RHBDD1: variants seen among roughly 807,000 people sequenced by gnomAD.
RHBDD1 encodes rhomboid-related protein 4.
Under a neutral mutation model 36.3 loss-of-function variants are expected in RHBDD1, and 38 were observed. The observed-to-expected ratio is 1.05, with a 90% CI of 0.81 to 1.37. The LOEUF (loss-of-function observed/expected upper bound fraction) is 1.37, where lower values mean the gene tolerates loss of function less well. Among genes scored for constraint, RHBDD1 ranks in the 40% most tolerant of loss-of-function variants. The probability of loss-of-function intolerance (pLI) is 0.00; values close to 1 mark genes in which losing one functional copy is unlikely to be tolerated. For synonymous variants in RHBDD1, 151 were observed against 136.5 expected, an observed-to-expected ratio of 1.11 and a Z score of -0.74; for missense variants, 393 against 377.6, an observed-to-expected ratio of 1.04 and a Z score of -0.34.
At chr2:226,804,085 C>A in the RHBDD1 span, 2 of 152,160 alleles carry the variant, frequency 1.3e-5, no homozygotes, top group African/African-American at 4.8e-5. Flanking sequence ...ACAGAGAGAA[C>A]AACAGCAAGA....
intron 5 of RHBDD1, among the ~76,000 whole-genome samples, chr2:226,902,686 CTT>C (rs1947695930): frequency 6.6e-6 from 1 of 152,074 alleles, no homozygotes; most frequent in South Asian, 2.1e-4. Context: ...AAATTGAACA[CTT>C]TTATAAAGCT....
chr2:226,840,496 G>A (rs796541917), intron 3 of RHBDD1, among the ~76,000 whole-genome samples: 3 of 152,294 alleles, frequency 2.0e-5, no homozygotes, highest in African/African-American at 4.8e-5. Context: ...TGCACTGCAC[G>A]CTTTAACATA....
intron 5 of RHBDD1, among the ~76,000 whole-genome samples, chr2:226,875,232 A>T (rs982822019): frequency 3.9e-5 from 6 of 152,122 alleles, no homozygotes; most frequent in South Asian, 2.1e-4. Flanking sequence ...AGTTGTTTTC[A>T]TGGTTGCTGT....
intron 8 of RHBDD1, among the ~76,000 whole-genome samples, chr2:226,925,961 G>A (rs1949639435): frequency 6.6e-6 from 1 of 152,102 alleles, no homozygotes; most frequent in African/African-American, 2.4e-5. Flanking sequence ...GAGGGGAAAG[G>A]GAAGAGGAGG....
chr2:226,864,416 T>C (rs1944141072), intron 3 of RHBDD1, among the ~76,000 whole-genome samples, 188 bp from the exon 4 acceptor site: 2 of 152,194 alleles, frequency 1.3e-5, no homozygotes, highest in South Asian at 2.1e-4. Context: ...ATTTCTATTC[T>C]AGAATGTAAA....
At chr2:226,954,751 A>C (rs1311035431) in intron 8 of RHBDD1, among the ~76,000 whole-genome samples, 5 of 152,040 alleles carry the variant, frequency 3.3e-5, no homozygotes, top group African/African-American at 9.7e-5. Context: ...AAGTAATGGG[A>C]ATGGGAGAGG....
chr2:226,996,628 A>G lies in RHBDD1; in HGVS notation c.*1106A>G, dbSNP rs1197359742. On this transcript the variant is annotated 3_prime_UTR_variant, in exon 9 of 9. Transcript: ENST00000392062. ...CTACAACTTATATAGTTTTCTGATT[A>G]TGCACATAATAGATATGCCTTCCAG... 1 of 152,264 alleles carries G rather than the reference A, an allele frequency of 6.6e-6. No homozygotes were observed. The highest frequency in any genetic ancestry group is 1.5e-5 in the Non-Finnish European group (1 of 68,050). The allele number at this position is 152,264 out of a possible 1,614,324, so 9.4% of individuals were successfully genotyped here. A position where few individuals can be genotyped will look rare whatever the true frequency, so the allele number is the denominator to read the frequency against.
intron 5 of RHBDD1, among the ~76,000 whole-genome samples, chr2:226,878,428 T>C (rs1267801448): frequency 1.3e-5 from 2 of 152,236 alleles, no homozygotes; most frequent in Non-Finnish European, 2.9e-5. Context: ...CTCTGCTAGC[T>C]GGGTGGATTT....
At chr2:226,946,273 T>C (rs182916305) in intron 8 of RHBDD1, among the ~76,000 whole-genome samples, 2 of 152,334 alleles carry the variant, frequency 1.3e-5, no homozygotes, top group Admixed American at 1.3e-4. Flanking sequence ...AGGGTTTTTA[T>C]GGTTTTAGGT....
intron 1 of RHBDD1, among the ~76,000 whole-genome samples, chr2:226,836,543 G>C (rs1022970904): frequency 6.6e-6 from 1 of 152,174 alleles, no homozygotes; most frequent in African/African-American, 2.4e-5. Flanking sequence ...TTTTATTAGA[G>C]GACAAAAAAT....
intron 8 of RHBDD1, among the ~76,000 whole-genome samples, chr2:226,929,914 C>CA (rs930546104): frequency 4.6e-5 from 7 of 151,492 alleles, no homozygotes. Flanking sequence ...ACAAACAAAA[C>CA]AAAAAACAAA....
chr2:226,844,336 C>T (rs1941991639), intron 3 of RHBDD1, among the ~76,000 whole-genome samples: 1 of 151,490 alleles, frequency 6.6e-6, no homozygotes, highest in Non-Finnish European at 1.5e-5. Context: ...AGACAGATTC[C>T]TGTTACTGAA....
At chr2:226,922,181 C>G (rs1949362110) in intron 8 of RHBDD1, among the ~76,000 whole-genome samples, 1 of 148,208 alleles carries the variant, frequency 6.7e-6, no homozygotes, top group South Asian at 2.2e-4. Context: ...CTGGTTTCCA[C>G]TGGAATTAAG....
intron 8 of RHBDD1, among the ~76,000 whole-genome samples, chr2:226,956,019 A>G (rs964655221): frequency 6.6e-6 from 1 of 152,220 alleles, no homozygotes; most frequent in African/African-American, 2.4e-5. Flanking sequence ...TGCAGTCCCC[A>G]TGACAGCCCT....
chr2:226,877,295 T>C (rs1321991300), intron 5 of RHBDD1, among the ~76,000 whole-genome samples: 2 of 152,182 alleles, frequency 1.3e-5, no homozygotes, highest in African/African-American at 4.8e-5. Flanking sequence ...GAAATATTGG[T>C]TTACTGATTA....
intron 8 of RHBDD1, among the ~76,000 whole-genome samples, chr2:226,967,649 T>C (rs1173290543): frequency 3.3e-5 from 5 of 151,792 alleles, no homozygotes; most frequent in Non-Finnish European, 7.4e-5. Context: ...GTAGAAGTCA[T>C]TGTTGTAGTA....
intron 8 of RHBDD1, among the ~76,000 whole-genome samples, chr2:226,950,041 T>C (rs4675128): frequency 0.5 from 75,926 of 152,128 alleles, 19,805 homozygotes; most frequent in African/African-American, 0.66. Flanking sequence ...TAAGTTACCT[T>C]ACATCCTTAG....
the RHBDD1 span, among the ~76,000 whole-genome samples, chr2:226,810,540 C>CAAAAAAAAAA: frequency 0.012 from 390 of 33,852 alleles, 38 homozygotes; most frequent in African/African-American, 0.029. Flanking sequence ...GACTCCGTCT[C>CAAAAAAAAAA]AAAAAAAAAA....
chr2:226,973,185 G>A (rs1281932230), intron 8 of RHBDD1, among the ~76,000 whole-genome samples: 4 of 152,142 alleles, frequency 2.6e-5, no homozygotes, highest in Non-Finnish European at 5.9e-5. Flanking sequence ...ATATAGTGTT[G>A]ATTGTCCTTA....
Sources: gnomAD v4.1 joint callset for allele counts (sites outside exome capture counted in the v4.1 genomes callset) on GRCh38, gnomAD v4.1.1 for gene constraint, MANE v1.5 for transcripts, NCBI Gene and HGNC (gene_info 2026-07-23, HGNC 2026-07-21) for gene names.